Variants in TRIP6 observed in about 807,000 individuals in gnomAD.
TRIP6 encodes the protein thyroid hormone receptor interactor 6.
In TRIP6, 33 loss-of-function variants were observed where a neutral mutation model predicts 51.9. That is an observed-to-expected ratio of 0.64 (90% CI 0.48 to 0.85). The LOEUF is 0.85. Among genes scored for constraint, TRIP6 ranks in the 40% least tolerant of loss-of-function variants. The probability of loss-of-function intolerance (pLI) is 0.00; values close to 1 mark genes in which losing one functional copy is unlikely to be tolerated. For synonymous variants in TRIP6, 255 were observed against 275.8 expected (o/e 0.92, Z 0.75); for missense variants, 661 against 652.1 (o/e 1.01, Z -0.15).
intron 3 of TRIP6, 129 bp downstream of exon 3, chr7:100,868,362 T>C (rs1815192425): frequency 2.1e-5 from 33 of 1,571,586 alleles, no homozygotes; most frequent in Non-Finnish European, 2.7e-5. Context: ...AGTACCAACA[T>C]GTCAGCCACT....
chr7:100,867,520 C>T lies in TRIP6; in HGVS notation c.23C>T (p.Pro8Leu), dbSNP rs773933455. MSGPTWL[P>L]PKQPEPARAP... is the part of the protein sequence containing the mutation. ...GCCATGTCGGGGCCCACCTGGCTGC[C>T]CCCGAAGCAGCCGGAGCCCGCCAGA... is the stretch of plus-strand genomic sequence containing the variant. Residue 8 changes from proline to leucine, a missense_variant, in exon 1 of 9, where the codon CCC becomes CTC. Physicochemically the swap from Pro to Leu is moderately conservative, Grantham distance 98 (BLOSUM62 -3). Coordinates refer to ENST00000200457, the MANE Select transcript of TRIP6 (RefSeq NM_003302.3). The surrounding 1 kb of genome is among the most constrained non-coding windows in gnomAD (Gnocchi z 5.4). The T allele has an allele frequency of 6.0e-6, 9 of 1,511,890 alleles. No homozygotes were observed. The highest frequency in any genetic ancestry group is 8.0e-6 in the Non-Finnish European group (9 of 1,131,936). 93.7% of individuals were successfully genotyped at this position (1,511,890 alleles called of 1,614,324 possible).
At chr7:100,871,815 C>A in intron 7 of TRIP6, 94 bp downstream of exon 7, 2 of 1,441,802 alleles carry the variant, frequency 1.4e-6, no homozygotes, top group East Asian at 2.3e-5. Context: ...CTGTTTCCAA[C>A]CCTGGCCCTC....
intron 7 of TRIP6, 66 bp downstream of exon 7, chr7:100,871,787 C>G (rs1439883808): frequency 6.4e-7 from 1 of 1,551,848 alleles, no homozygotes; most frequent in Non-Finnish European, 8.8e-7. Flanking sequence ...TCTCTTCATG[C>G]CCCAGGACTG....
At chr7:100,868,437 A>T (rs1815193731) in intron 3 of TRIP6, 58 bp from the exon 4 acceptor site, 1 of 1,610,912 alleles carries the variant, frequency 6.2e-7, no homozygotes, top group East Asian at 2.2e-5. Flanking sequence ...CATTTCCACA[A>T]ATGTGGGTCT....
At chr7:100,869,042 G>C (rs964526819) in intron 4 of TRIP6, among the ~76,000 whole-genome samples, 176 bp downstream of exon 4, 2 of 152,060 alleles carry the variant, frequency 1.3e-5, no homozygotes, top group Non-Finnish European at 2.9e-5. Context: ...CTGCCTCCCG[G>C]GTTCAAGTGA....
rs577451106 is a variant in TRIP6, at chr7:100,868,508, C to T, written c.377C>T (p.Pro126Leu). ...RRPDRQAYEP[P>L]PPPAYRTGSL... Reference sequence around the variant, plus strand: ...GTTTCTCCTCAGGCATATGAGCCCCCGCCACCTCCTGCCTACCGCACGGGC... The same window carrying T: ...GTTTCTCCTCAGGCATATGAGCCCCTGCCACCTCCTGCCTACCGCACGGGC... Residue 126 changes from proline to leucine, a missense_variant, in exon 4 of 9, where the codon CCG (proline) becomes CTG (leucine). Physicochemically the swap from Pro to Leu is moderately conservative, Grantham distance 98. Transcript: ENST00000200457. 1.9e-5 allele frequency: 31 copies of T among 1,613,098 alleles called. No individual in the cohort carries two copies. The highest frequency in any genetic ancestry group is 1.8e-4 in the East Asian group (8 of 44,876).
Position 100,867,475 on chromosome 7 carries a change from T to A in TRIP6, c.-23T>A. 1.4e-6 allele frequency: 2 copies of A among 1,432,466 alleles called. No homozygotes were observed. The highest frequency in any genetic ancestry group is 1.8e-6 in the Non-Finnish European group (2 of 1,089,164). 88.7% of individuals were successfully genotyped at this position (1,432,466 alleles called of 1,614,324 possible). Reference sequence around the variant, plus strand: ...GAGGCTCGGGGCTTCAAGACCGCTGTCTGGAGTCCCCCTTTCCAGGCCATG... The same window carrying A: ...GAGGCTCGGGGCTTCAAGACCGCTGACTGGAGTCCCCCTTTCCAGGCCATG... On this transcript the variant is annotated 5_prime_UTR_variant, in exon 1 of 9. Transcript: ENST00000200457. This position sits in a 1 kb window ranked among gnomAD's most constrained non-coding sequence, Gnocchi z 5.4.
intron 3 of TRIP6, 37 bp from the exon 4 acceptor site, chr7:100,868,458 T>A (rs773280837): frequency 1.9e-5 from 30 of 1,612,512 alleles, no homozygotes; most frequent in African/African-American, 2.7e-5. Flanking sequence ...TGGAGTGGGG[T>A]CCTTGCTTAC....
chr7:100,870,637 GCGTCTTTCA>G lies in TRIP6; in HGVS notation c.897_905del (p.Phe300_Val302del). 6.2e-7 allele frequency: 1 copy of G among 1,614,172 alleles called. No homozygotes were observed. Among genetic ancestry groups the G allele is most frequent in the Non-Finnish European group, 8.5e-7 (1 of 1,180,020 alleles). Reference sequence around the variant, plus strand: ...GGGGCTGGGGTTGTGGCCCTTGATCGCGTCTTTCACGTGGGCTGCTTTGTATGTTCTACA... The same window carrying G: ...GGGGCTGGGGTTGTGGCCCTTGATCGCGTGGGCTGCTTTGTATGTTCTACA... On this transcript the variant is annotated inframe_deletion, in exon 6 of 9. Coordinates refer to ENST00000200457, the MANE Select transcript of TRIP6 (RefSeq NM_003302.3).
chr7:100,872,804 G>T, intron 8 of TRIP6, 60 bp downstream of exon 8: 1 of 1,600,572 alleles, frequency 6.2e-7, no homozygotes, highest in South Asian at 1.1e-5. Context: ...GGTAGAGCAT[G>T]AGGGGGAACA....
At chr7:100,872,381 C>T (rs1354640925) in intron 7 of TRIP6, among the ~76,000 whole-genome samples, 1 of 152,062 alleles carries the variant, frequency 6.6e-6, no homozygotes, top group African/African-American at 2.4e-5. Flanking sequence ...GTTGCCTAGG[C>T]TGGTCTTGAA....
At chr7:100,870,819 G>A (rs1029184293) in intron 6 of TRIP6, 76 bp downstream of exon 6, 17 of 1,520,412 alleles carry the variant, frequency 1.1e-5, no homozygotes, top group African/African-American at 5.5e-5. Flanking sequence ...TAACTAGAGC[G>A]TCCAAGACCA....
rs1424238107 is a variant in TRIP6, at chr7:100,868,614, C to T, written c.483C>T (p.Ser161=). 1 of 1,612,838 alleles carries T rather than the reference C, an allele frequency of 6.2e-7. No individual in the cohort carries two copies. Among genetic ancestry groups the T allele is most frequent in the South Asian group, 1.1e-5 (1 of 91,064 alleles). ...CTCCAGCCTCTTACACTACCGCCAG[C>T]ACCCCGGCTGGCCCAGCCTTCCCCG... ...GPTPASYTTA[S]TPAGPAFPVQ... Residue 161 remains serine (S), a synonymous_variant, in exon 4 of 9, where the codon AGC becomes AGT. Coordinates refer to ENST00000200457, the MANE Select transcript of TRIP6 (RefSeq NM_003302.3).
At chr7:100,870,961 T>A (rs1584719365) in intron 6 of TRIP6, 3 of 699,218 alleles carry the variant, frequency 4.3e-6, no homozygotes, top group Non-Finnish European at 7.5e-6. Flanking sequence ...GTGTGGAGCA[T>A]CTTACAGTTA....
intron 7 of TRIP6, among the ~76,000 whole-genome samples, chr7:100,872,277 C>T (rs1207266800): frequency 6.6e-6 from 1 of 150,942 alleles, no homozygotes; most frequent in African/African-American, 2.4e-5. Flanking sequence ...AAGCGATCCA[C>T]CTGCCTCGGC....
At position 100,870,481 on chromosome 7, in the gene TRIP6, G is replaced by A. The variant is rs7800241; in HGVS notation, c.829+18G>A. ...GTACTTTGGTGAGCTGAGGCTGTGG[G>A]GTGGGTGGGACGTGGGAAGGGAGGC... On this transcript the variant is annotated intron_variant, in intron 5 of 8. Transcript: ENST00000200457. 0.29 allele frequency: 461,792 copies of A among 1,609,930 alleles called. 70,212 individuals are homozygous for A. The highest frequency in any genetic ancestry group is 0.47 in the Admixed American group (28,377 of 59,760).
chr7:100,872,813 C>G (rs544631026), intron 8 of TRIP6, 69 bp downstream of exon 8: 1 of 1,578,020 alleles, frequency 6.3e-7, no homozygotes, highest in South Asian at 1.1e-5. Context: ...TGAGGGGGAA[C>G]ACAGAGGTCT....
intron 4 of TRIP6, among the ~76,000 whole-genome samples, chr7:100,869,913 A>T (rs1815233649): frequency 6.6e-6 from 1 of 151,678 alleles, no homozygotes; most frequent in Non-Finnish European, 1.5e-5. Flanking sequence ...TATATAGTAT[A>T]TATAATTGTT....
chr7:100,870,681 CA>C lies in TRIP6; in HGVS notation c.938del (p.Gln313ArgfsTer94). ...GCFVCSTCRA[Q>X]LRGQHFYAVE... ...CTTTGTATGTTCTACATGCCGGGCC[CA>C]GCTTCGCGGCCAGCATTTCTACGCC... On this transcript the variant is annotated frameshift_variant, in exon 6 of 9. Coordinates refer to ENST00000200457, the MANE Select transcript of TRIP6 (RefSeq NM_003302.3). LOFTEE classifies it high-confidence loss of function. 6.2e-7 allele frequency: 1 copy of C among 1,614,144 alleles called. No individual in the cohort carries two copies. Among genetic ancestry groups the C allele is most frequent in the Non-Finnish European group, 8.5e-7 (1 of 1,179,984 alleles).
Sources: allele counts gnomAD v4.1 joint callset (sites outside exome capture counted in the v4.1 genomes callset), GRCh38; gene constraint gnomAD v4.1.1; non-coding constraint Gnocchi (gnomAD v3.1); transcripts MANE v1.5; gene names NCBI Gene and HGNC (gene_info 2026-07-23, HGNC 2026-07-21).